The following MPDZ variants were observed in gnomAD, a reference collection of about 807,000 sequenced individuals.
MPDZ encodes the protein multiple PDZ domain protein.
A neutral mutation model predicts 239.1 loss-of-function variants in MPDZ; 234 were observed. The observed-to-expected ratio is 0.98, with a 90% confidence interval of 0.88 to 1.09. The LOEUF (loss-of-function observed/expected upper bound fraction) is 1.09. MPDZ is among the 50% of genes least tolerant of loss of function. MPDZ has a pLI of 0.00. For synonymous variants in MPDZ, 1,048 were observed against 881.3 expected, an observed-to-expected ratio of 1.19 and a Z score of -3.35; for missense variants, 3,175 against 2,510.0, an observed-to-expected ratio of 1.26 and a Z score of -5.66.
At chr9:13,198,737 C>CTCTCTCTCTGTGTGTGTGTGTGTGTG (rs755487892) in intron 12 of MPDZ, among the ~76,000 whole-genome samples, 5 of 69,754 alleles carry the variant, frequency 7.2e-5, no homozygotes, top group East Asian at 4.5e-4. Context: ...ATCTCTCTCT[C>CTCTCTCTCTGTGTGTGTGTGTGTGTG]TGTGTGTGTG....
At chr9:13,114,153 T>C (rs1942979313) in intron 40 of MPDZ, 132 bp from the exon 41 acceptor site, 8 of 729,128 alleles carry the variant, frequency 1.1e-5, no homozygotes, top group South Asian at 1.7e-5. Flanking sequence ...TGATGAGCAA[T>C]TTAAACACAG....
chr9:13,112,052 C>A lies in MPDZ; in HGVS notation c.5696G>T (p.Gly1899Val), dbSNP rs1406961829. 6.2e-7 allele frequency: 1 copy of A among 1,613,462 alleles called. No homozygotes were observed. The highest frequency in any genetic ancestry group is 1.3e-5 in the African/African-American group (1 of 74,914). ...PIFIAMMHPT[G>V]VAAQTQKLRV... Reference sequence around the variant, plus strand: ...GAGTTTTTGGGTCTGTGCTGCAACTCCAGTTGGGTGCATCATTGCAATAAA... The same window carrying A: ...GAGTTTTTGGGTCTGTGCTGCAACTACAGTTGGGTGCATCATTGCAATAAA... Residue 1899 changes from glycine (G) to valine (V), a missense_variant, in exon 43 of 47, where the codon GGA (glycine) becomes GTA (valine). Gly to Val is a moderately radical substitution (Grantham distance 109). Coordinates refer to ENST00000319217, the MANE Select transcript of MPDZ (RefSeq NM_001378778.1).
rs1554733093 is a variant in MPDZ at position 13,268,169 on chromosome 9, T to TAC, written c.-58+11229_-58+11230dup. ...AAGGAAAATTATATATATATATATATACACACATAGAGAGAGAGAGATCTA... is the reference window on the plus strand; with the variant it reads ...AAGGAAAATTATATATATATATATATACACACACATAGAGAGAGAGAGATCTA... On this transcript the variant is annotated intron_variant, in intron 1 of 46. Transcript: ENST00000319217. Among the ~76,000 whole-genome samples the TAC allele has an allele frequency of 3.5e-3, 522 of 150,944 alleles. 4 individuals carry two copies. The highest frequency in any genetic ancestry group is 9.8e-3 in the African/African-American group (407 of 41,342).
intron 1 of MPDZ, among the ~76,000 whole-genome samples, chr9:13,266,702 T>C (rs1462572358): frequency 6.6e-6 from 1 of 152,220 alleles, no homozygotes; most frequent in Non-Finnish European, 1.5e-5. Flanking sequence ...TCAGACCTTT[T>C]ATTAAGCAAT....
At chr9:13,139,399 A>G (rs143670541) in intron 28 of MPDZ, among the ~76,000 whole-genome samples, 146 of 152,316 alleles carry the variant, frequency 9.6e-4, no homozygotes, top group Non-Finnish European at 1.6e-3. Context: ...GCTGCCTATG[A>G]AAGACTGCTG....
chr9:13,173,860 C>G (rs1343130561), intron 21 of MPDZ, among the ~76,000 whole-genome samples: 1 of 152,102 alleles, frequency 6.6e-6, no homozygotes, highest in Non-Finnish European at 1.5e-5. Context: ...ACTCTTCTAC[C>G]CTTAGCTCCC....
Position 13,222,356 on chromosome 9 carries a change from G to A in MPDZ, c.624C>T (p.Ile208=). The A allele has an allele frequency of 6.2e-7, 1 of 1,612,932 alleles. No homozygotes were observed. Among genetic ancestry groups the A allele is most frequent in the Non-Finnish European group, 8.5e-7 (1 of 1,179,262 alleles). The change falls in exon 6 of 47, where the codon ATC becomes ATT. Residue 208 remains isoleucine, a synonymous_variant. Transcript: ENST00000319217. ...GGACAGTATCTTTGGCTTTCTGCAG[G>A]ATGCTGATAGCCTGCTGATGTGTAA... is the stretch of plus-strand genomic sequence containing the variant. ...QTITHQQAIS[I]LQKAKDTVQL...
In MPDZ at chr9:13,150,652, G is replaced by T; in HGVS notation, c.3489C>A (p.Gly1163=). The change falls in exon 25 of 47, where the codon GGC becomes GGA. Residue 1163 remains glycine (G), a synonymous_variant. Transcript: ENST00000319217. ...ELWREPSKSL[G]ISIVGGRGMG... is the part of the protein sequence containing the mutation. ...TCCCTCGTCCACCAACAATGCTGAT[G>T]CCTAAGGATTTGCTTGGTTCTCTCC... is the stretch of plus-strand genomic sequence containing the variant. 6.8e-7 allele frequency: 1 copy of T among 1,469,264 alleles called. No homozygotes were observed. Among genetic ancestry groups the T allele is most frequent in the Non-Finnish European group, 9.1e-7 (1 of 1,104,470 alleles). The allele number at this position is 1,469,264 out of a possible 1,614,324, so 91.0% of individuals were successfully genotyped here.
Position 13,109,997 on chromosome 9 carries a change from G to A in MPDZ, c.5897C>T (p.Ser1966Phe). ...HQQEPASSSL[S>F]FTGLTSSSIF... is the part of the protein sequence containing the mutation. ...ACTGCTTGACGTCAGCCCAGTGAAAGAAAGACTGGAACTTGCAGGCTCCTG... is the reference window on the plus strand; with the variant it reads ...ACTGCTTGACGTCAGCCCAGTGAAAAAAAGACTGGAACTTGCAGGCTCCTG... The change falls in exon 45 of 47, where the codon TCT (serine) becomes TTT (phenylalanine). Residue 1966 changes from serine to phenylalanine, a missense_variant. By Grantham distance (155) the Ser-to-Phe change is radical. Transcript: ENST00000319217. 3 of 1,613,364 alleles carry A rather than the reference G, an allele frequency of 1.9e-6. No individual in the cohort carries two copies. The highest frequency in any genetic ancestry group is 2.5e-6 in the Non-Finnish European group (3 of 1,179,718).
chr9:13,150,464 A>T (rs759868581), intron 25 of MPDZ, 47 bp downstream of exon 25: 7 of 1,370,266 alleles, frequency 5.1e-6, no homozygotes. Flanking sequence ...ATAAATAAAT[A>T]AAACAAAACA....
At chr9:13,273,015 A>ACTCT (rs1175868632) in intron 1 of MPDZ, among the ~76,000 whole-genome samples, 1 of 152,088 alleles carries the variant, frequency 6.6e-6, no homozygotes, top group Non-Finnish European at 1.5e-5. Context: ...GTTCTAATGA[A>ACTCT]TGGGATTAGT....
intron 8 of MPDZ, among the ~76,000 whole-genome samples, chr9:13,218,853 A>G (rs1564060260): frequency 6.6e-6 from 1 of 151,878 alleles, no homozygotes; most frequent in Non-Finnish European, 1.5e-5. Flanking sequence ...GCGACCTGTA[A>G]ATCTGCTGAG....
intron 2 of MPDZ, 75 bp from the exon 3 acceptor site, chr9:13,247,876 T>C: frequency 2.2e-6 from 3 of 1,346,046 alleles, no homozygotes; most frequent in Non-Finnish European, 3.0e-6. Flanking sequence ...CTCCATCTTG[T>C]AGAAATTCTA....
At chr9:13,166,071 C>A (rs1352026559) in intron 22 of MPDZ, among the ~76,000 whole-genome samples, 2 of 151,988 alleles carry the variant, frequency 1.3e-5, no homozygotes, top group Non-Finnish European at 2.9e-5. Context: ...TTTTAAAGTT[C>A]CTACAATACA....
rs372536696 is a variant in MPDZ, at chr9:13,140,153, T to C, written c.3841-4A>G. On this transcript the variant is annotated splice_region_variant and splice_polypyrimidine_tract_variant and intron_variant, in intron 27 of 46. Coordinates refer to ENST00000319217, the MANE Select transcript of MPDZ (RefSeq NM_001378778.1). The stretch of plus-strand genomic sequence containing the variant: ...CTGACTCTGACTGACTGGGTGCCTG[T>C]GGGAACAAAAAGAATGCAGTGGGTT... 8 of 1,612,264 alleles carry C rather than the reference T, an allele frequency of 5.0e-6. No individual in the cohort carries two copies. Among genetic ancestry groups the C allele is most frequent in the Middle Eastern group, 1.6e-4 (1 of 6,068 alleles).
intron 14 of MPDZ, 125 bp downstream of exon 14, chr9:13,193,042 G>A (rs932160318): frequency 1.1e-6 from 1 of 923,560 alleles, no homozygotes; most frequent in South Asian, 4.7e-5. Context: ...GTTTTTATCT[G>A]TAGATTTCTC....
At chr9:13,231,035 T>C (rs372942721) in intron 3 of MPDZ, among the ~76,000 whole-genome samples, 23 of 150,548 alleles carry the variant, frequency 1.5e-4, no homozygotes, top group African/African-American at 5.6e-4. Flanking sequence ...AACAGGAAAA[T>C]GATACAATAA....
intron 17 of MPDZ, 29 bp downstream of exon 17, chr9:13,188,755 A>T: frequency 6.3e-7 from 1 of 1,592,038 alleles, no homozygotes; most frequent in Non-Finnish European, 8.6e-7. Context: ...TATAAATATA[A>T]AGGGAAGCAA....
At chr9:13,238,349 G>A (rs1964598403) in intron 3 of MPDZ, among the ~76,000 whole-genome samples, 1 of 152,176 alleles carries the variant, frequency 6.6e-6, no homozygotes, top group Non-Finnish European at 1.5e-5. Context: ...GGGGTGACCA[G>A]CCTTCCCCTC....
Sources: allele counts gnomAD v4.1 joint callset (sites outside exome capture counted in the v4.1 genomes callset), GRCh38; gene constraint gnomAD v4.1.1; transcripts MANE v1.5; gene names NCBI Gene and HGNC (gene_info 2026-07-23, HGNC 2026-07-21).